Variants in CIMAP2 observed in about 807,000 individuals in gnomAD.
CIMAP2 encodes ciliary microtubule-associated protein 2.
chr1:54,817,516 G>T, the CIMAP2 span, among the ~76,000 whole-genome samples: 2 of 152,158 alleles, frequency 1.3e-5, no homozygotes, highest in African/African-American at 2.4e-5. Flanking sequence ...CTGTTTCTTG[G>T]TGTTCATAAT....
At chr1:54,811,766 C>CGGGCGGGGG in the CIMAP2 span, 1 of 1,305,188 alleles carries the variant, frequency 7.7e-7, no homozygotes, top group Non-Finnish European at 1.1e-6. Context: ...GTTCTGACAG[C>CGGGCGGGGG]CTCCATGCCC....
the CIMAP2 span, among the ~76,000 whole-genome samples, chr1:54,841,036 G>C: frequency 2.0e-5 from 3 of 152,222 alleles, no homozygotes; most frequent in African/African-American, 7.2e-5. Flanking sequence ...CAGGGGCCGT[G>C]GGCATGGTGA....
chr1:54,828,000 T>C, the CIMAP2 span, among the ~76,000 whole-genome samples: 4 of 152,134 alleles, frequency 2.6e-5, no homozygotes, highest in Admixed American at 6.5e-5. Context: ...GCCAAAAACA[T>C]TGAGTAACTA....
chr1:54,841,387 G>A, the CIMAP2 span, among the ~76,000 whole-genome samples: 2,241 of 152,284 alleles, frequency 0.015, 61 homozygotes, highest in African/African-American at 0.051. Flanking sequence ...AAGAATTGGA[G>A]CAGTGGAGGG....
At chr1:54,833,445 A>G in the CIMAP2 span, among the ~76,000 whole-genome samples, 1 of 152,154 alleles carries the variant, frequency 6.6e-6, no homozygotes, top group African/African-American at 2.4e-5. Flanking sequence ...TGAGAGTTGT[A>G]AAGTCTCCTT....
the CIMAP2 span, chr1:54,807,881 T>A: frequency 4.5e-6 from 7 of 1,568,556 alleles, no homozygotes; most frequent in Non-Finnish European, 6.0e-6. Flanking sequence ...TCTCTTCTCT[T>A]GGCACAGGAG....
the CIMAP2 span, among the ~76,000 whole-genome samples, chr1:54,823,946 G>A: frequency 6.7e-6 from 1 of 149,940 alleles, no homozygotes; most frequent in African/African-American, 2.4e-5. Context: ...CAGTTTTTTT[G>A]TTTGTTTGTT....
chr1:54,818,068 G>T, the CIMAP2 span, among the ~76,000 whole-genome samples: 1 of 152,184 alleles, frequency 6.6e-6, no homozygotes. Context: ...TTCAAATATG[G>T]TTGCTGAGAA....
the CIMAP2 span, chr1:54,811,775 C>CGGGGGGGGGGGGGGG: frequency 2.1e-6 from 1 of 484,774 alleles, no homozygotes; most frequent in Non-Finnish European, 4.0e-6. Context: ...GCCTCCATGC[C>CGGGGGGGGGGGGGGG]CCCACCCCCG....
chr1:54,840,025 C>T, the CIMAP2 span, among the ~76,000 whole-genome samples: 62 of 151,630 alleles, frequency 4.1e-4, no homozygotes, highest in Middle Eastern at 0.014. Context: ...GCTGGGACTA[C>T]AGGCATGAGC....
chr1:54,813,689 G>GA, the CIMAP2 span: 7 of 912,696 alleles, frequency 7.7e-6, no homozygotes, highest in Non-Finnish European at 9.3e-6. Context: ...TCCGGCCTCC[G>GA]GGATGTCTGC....
chr1:54,813,894 T>G, the CIMAP2 span: 1 of 1,613,564 alleles, frequency 6.2e-7, no homozygotes, highest in Non-Finnish European at 8.5e-7. Flanking sequence ...AGCATGGGGT[T>G]TTTTCTAAAC....
the CIMAP2 span, chr1:54,806,338 GC>G: frequency 1.3e-5 from 14 of 1,066,288 alleles, no homozygotes; most frequent in South Asian, 2.4e-4. Flanking sequence ...GCTGAGCCTG[GC>G]GGGGAGGGGA....
the CIMAP2 span, among the ~76,000 whole-genome samples, chr1:54,822,372 C>T: frequency 2.1e-5 from 3 of 142,824 alleles, no homozygotes; most frequent in Admixed American, 1.4e-4. Context: ...TTTGCTGATC[C>T]TTTGTATTGG....
the CIMAP2 span, among the ~76,000 whole-genome samples, chr1:54,821,194 C>G: frequency 7.3e-6 from 1 of 137,270 alleles, no homozygotes. Flanking sequence ...TCTCTTCACT[C>G]TATTGATTCT....
chr1:54,814,790 C>T, the CIMAP2 span: 3 of 1,412,628 alleles, frequency 2.1e-6, no homozygotes, highest in East Asian at 2.3e-5. Context: ...CTCCACCGTC[C>T]TTGGCTCAAG....
the CIMAP2 span, among the ~76,000 whole-genome samples, chr1:54,818,750 C>T: frequency 2.0e-4 from 21 of 106,608 alleles, no homozygotes; most frequent in Admixed American, 2.0e-3. Flanking sequence ...CACCACCACA[C>T]CCGGCTAATT....
chr1:54,806,235 C>T, the CIMAP2 span: 3 of 1,511,232 alleles, frequency 2.0e-6, no homozygotes, highest in African/African-American at 1.4e-5. Flanking sequence ...GGCCCGTTTG[C>T]GTCCTGGGCT....
At chr1:54,822,383 T>A in the CIMAP2 span, among the ~76,000 whole-genome samples, 1 of 84,136 alleles carries the variant, frequency 1.2e-5, no homozygotes, top group Non-Finnish European at 2.4e-5. Flanking sequence ...TTTGTATTGG[T>A]TTTTTTTTTT....
Sources: allele counts gnomAD v4.1 joint callset (sites outside exome capture counted in the v4.1 genomes callset), GRCh38; gene constraint gnomAD v4.1.1; transcripts MANE v1.5; gene names NCBI Gene and HGNC (gene_info 2026-07-23, HGNC 2026-07-21).